The following CMC1 variants were observed in gnomAD, a reference collection of about 807,000 sequenced individuals.
CMC1 encodes the protein COX assembly mitochondrial protein homolog.
Under a neutral mutation model 14.1 loss-of-function variants are expected in CMC1, and 14 were observed. The ratio of observed to expected loss-of-function variants is 0.99; its 90% confidence interval spans 0.66 to 1.55. The LOEUF (loss-of-function observed/expected upper bound fraction) is 1.55. Ranked by LOEUF, CMC1 falls within the 40% of genes most tolerant of loss-of-function variation. The pLI, the probability that CMC1 is intolerant of heterozygous loss-of-function variation, is 0.00. For missense variants in CMC1, 127 were observed against 123.8 expected (o/e 1.03, Z -0.12); for synonymous variants, 50 against 38.4 (o/e 1.30, Z -1.12).
At chr3:28,283,551 C>CAAAAAAAAAAAAAA (rs5847510) in intron 2 of CMC1, among the ~76,000 whole-genome samples, 1 of 118,282 alleles carries the variant, frequency 8.5e-6, no homozygotes, top group African/African-American at 3.1e-5. Context: ...ACAACAAAAA[C>CAAAAAAAAAAAAAA]AAAAAAAAAA....
At position 28,301,409 on chromosome 3, in the gene CMC1, C is replaced by T. The variant is rs547268279; in HGVS notation, c.110-14924C>T. Among the ~76,000 whole-genome samples the T allele has an allele frequency of 2.5e-4, 38 of 151,984 alleles. 1 individual carries two copies. The highest frequency in any genetic ancestry group is 3.4e-3 in the Middle Eastern group (1 of 294). On this transcript the variant is annotated intron_variant, in intron 2 of 3. Coordinates refer to ENST00000466830, the MANE Select transcript of CMC1 (RefSeq NM_182523.2). ...TAATTTTTAAAATTATTTGTAGGGG[C>T]GGGGCCTCACTATATTCCTGAGGCT...
intron 2 of CMC1, among the ~76,000 whole-genome samples, chr3:28,314,815 G>C (rs990869752): frequency 3.3e-5 from 5 of 151,958 alleles, no homozygotes; most frequent in African/African-American, 1.2e-4. Flanking sequence ...GGTTGCTTGT[G>C]GTTTAAAAAT....
At chr3:28,269,678 G>C (rs1700184286) in intron 2 of CMC1, among the ~76,000 whole-genome samples, 1 of 151,918 alleles carries the variant, frequency 6.6e-6, no homozygotes, top group African/African-American at 2.4e-5. Context: ...TGATTCCCCT[G>C]CCTCAGCCTC....
chr3:28,257,108 G>A (rs975832797), intron 1 of CMC1, among the ~76,000 whole-genome samples: 1 of 152,092 alleles, frequency 6.6e-6, no homozygotes, highest in Non-Finnish European at 1.5e-5. Context: ...GTTATGTGTT[G>A]AAATCTCCCA....
In CMC1 at chr3:28,309,819, T is replaced by TGCC. The variant is rs1559444203; in HGVS notation, c.110-6514_110-6513insGCC. On this transcript the variant is annotated intron_variant, in intron 2 of 3. Transcript: ENST00000466830. ...TGCCTTTTCTCCTGCAGCTGATATT[T>TGCC]ACCACACACACACACACACACACAC... is the stretch of plus-strand genomic sequence containing the variant. Among the ~76,000 whole-genome samples the TGCC allele has an allele frequency of 1.5e-3, 159 of 107,524 alleles. 1 individual carries two copies. The highest frequency in any genetic ancestry group is 6.9e-3 in the African/African-American group (158 of 22,896). The allele number at this position is 107,524 out of a possible 152,430, so 70.5% of individuals were successfully genotyped here. A position where few individuals can be genotyped will look rare whatever the true frequency, so the allele number is the denominator to read the frequency against.
chr3:28,307,565 A>T (rs905090477), intron 2 of CMC1, among the ~76,000 whole-genome samples: 3 of 152,182 alleles, frequency 2.0e-5, no homozygotes, highest in Non-Finnish European at 4.4e-5. Context: ...CATCTGGGAT[A>T]CTGTCACCTG....
intron 2 of CMC1, among the ~76,000 whole-genome samples, chr3:28,273,264 T>C (rs1018599361): frequency 5.9e-5 from 9 of 152,186 alleles, no homozygotes; most frequent in African/African-American, 2.2e-4. Context: ...CTGCTTTAGC[T>C]GCATCCCAGA....
chr3:28,296,855 T>C (rs1454724697), intron 2 of CMC1, among the ~76,000 whole-genome samples: 1 of 152,052 alleles, frequency 6.6e-6, no homozygotes, highest in Non-Finnish European at 1.5e-5. Context: ...GTAAGGTTTG[T>C]TGTTTTACAT....
intron 1 of CMC1, among the ~76,000 whole-genome samples, chr3:28,255,583 G>A (rs544944734): frequency 3.0e-4 from 45 of 152,118 alleles, no homozygotes; most frequent in African/African-American, 1.1e-3. Flanking sequence ...AGGAAAAAGA[G>A]AATGTGTAAA....
At chr3:28,288,086 G>A (rs913865897) in intron 2 of CMC1, among the ~76,000 whole-genome samples, 1 of 151,722 alleles carries the variant, frequency 6.6e-6, no homozygotes, top group Non-Finnish European at 1.5e-5. Flanking sequence ...CATTTCCATC[G>A]TTACAAAAAA....
chr3:28,283,144 A>G (rs963982653), intron 2 of CMC1, among the ~76,000 whole-genome samples: 1 of 152,230 alleles, frequency 6.6e-6, no homozygotes, highest in African/African-American at 2.4e-5. Context: ...ATATTTTTCA[A>G]AGTGCTTTAT....
At chr3:28,304,268 T>C (rs1430428353) in intron 2 of CMC1, among the ~76,000 whole-genome samples, 1 of 152,132 alleles carries the variant, frequency 6.6e-6, no homozygotes, top group Non-Finnish European at 1.5e-5. Flanking sequence ...TATAAAAATT[T>C]TTAATGAGAT....
rs191743470 is a variant in CMC1, at chr3:28,268,117, G to A, written c.109+4737G>A. 1.4e-4 allele frequency among the ~76,000 whole-genome samples: 21 copies of A among 152,290 alleles called. 1 individual carries two copies. In the East Asian group the frequency reaches 4.1e-3, roughly 29 times the overall value. ...ATATTATACAGTCTAAGAAATACAA[G>A]TAGATATAAGGCACAGTTTCTGCAC... is the stretch of plus-strand genomic sequence containing the variant. On this transcript the variant is annotated intron_variant, in intron 2 of 3. Transcript: ENST00000466830.
chr3:28,278,031 A>T (rs542615212), intron 2 of CMC1, among the ~76,000 whole-genome samples: 57 of 100,478 alleles, frequency 5.7e-4, no homozygotes, highest in African/African-American at 2.2e-3. Context: ...AGAATTAGAG[A>T]CACCATTTTT....
chr3:28,317,907 GA>G (rs1703002929), intron 3 of CMC1: 1 of 151,786 alleles, frequency 6.6e-6, no homozygotes, highest in African/African-American at 2.4e-5. Context: ...TCACCCCCTA[GA>G]AATACAAGAA....
intron 1 of CMC1, among the ~76,000 whole-genome samples, chr3:28,252,042 C>T (rs192035044): frequency 1.1e-4 from 17 of 152,286 alleles, no homozygotes; most frequent in Admixed American, 6.5e-4. Flanking sequence ...GCCACAATGG[C>T]GGTTGTAACA....
intron 1 of CMC1, among the ~76,000 whole-genome samples, chr3:28,250,130 C>G (rs982018808): frequency 6.6e-6 from 1 of 152,158 alleles, no homozygotes; most frequent in African/African-American, 2.4e-5. Context: ...AGGGATTCAA[C>G]ATATGAATTT....
intron 2 of CMC1, among the ~76,000 whole-genome samples, chr3:28,307,051 C>G (rs1702355148): frequency 1.3e-5 from 2 of 152,312 alleles, no homozygotes; most frequent in Non-Finnish European, 2.9e-5. Flanking sequence ...TTTAGATTTA[C>G]AAATACTATT....
chr3:28,278,203 T>A (rs1208230789), intron 2 of CMC1, among the ~76,000 whole-genome samples: 2 of 152,108 alleles, frequency 1.3e-5, no homozygotes, highest in Non-Finnish European at 2.9e-5. Flanking sequence ...AGATGGCTCC[T>A]TATTTGTCCT....
Sources: allele counts gnomAD v4.1 joint callset (sites outside exome capture counted in the v4.1 genomes callset), GRCh38; gene constraint gnomAD v4.1.1; transcripts MANE v1.5; gene names NCBI Gene and HGNC (gene_info 2026-07-23, HGNC 2026-07-21).